RFTN1: variants seen among roughly 807,000 people sequenced by gnomAD.
RFTN1 encodes the protein raftlin, lipid raft linker 1.
Under a neutral mutation model 46.5 loss-of-function variants are expected in RFTN1, and 26 were observed. The ratio of observed to expected loss-of-function variants is 0.56; its 90% CI spans 0.41 to 0.78. The LOEUF is 0.78. Ranked by LOEUF, RFTN1 falls within the 30% of genes least tolerant of loss-of-function variation. The probability of loss-of-function intolerance (pLI) is 0.00; values close to 1 mark genes in which losing one functional copy is unlikely to be tolerated. For synonymous variants in RFTN1, 261 were observed against 284.2 expected, an observed-to-expected ratio of 0.92 and a Z score of 0.82; for missense variants, 693 against 718.7, an observed-to-expected ratio of 0.96 and a Z score of 0.41.
At chr3:16,496,167 A>G (rs541203836) in intron 1 of RFTN1, among the ~76,000 whole-genome samples, 46 of 152,372 alleles carry the variant, frequency 3.0e-4, no homozygotes, top group Non-Finnish European at 5.7e-4. Flanking sequence ...TCCAAGAAAG[A>G]GAGGAAGCCC....
rs552341885 is a variant in RFTN1, at chr3:16,440,143, C to T, written c.146-6106G>A. Among the ~76,000 whole-genome samples the T allele has an allele frequency of 2.6e-5, 4 of 152,166 alleles. No individual in the cohort carries two copies. The highest frequency in any genetic ancestry group is 4.4e-5 in the Non-Finnish European group (3 of 68,038). ...AAATGCCAGCCTACTCAGAGTGGGC[C>T]GCTGCCGCGAGGGCTGATCACACTT... On this transcript the variant is annotated intron_variant, in intron 2 of 9. Coordinates refer to ENST00000334133, the MANE Select transcript of RFTN1 (RefSeq NM_015150.2). This position sits in a 1 kb window ranked among gnomAD's most constrained non-coding sequence, Gnocchi z 4.6.
chr3:16,345,817 T>TGTGTGTGCGC lies in RFTN1; in HGVS notation c.1146+12114_1146+12115insGCGCACACAC, dbSNP rs1160939614. On this transcript the variant is annotated intron_variant, in intron 7 of 9. Transcript: ENST00000334133. The surrounding 1 kb of genome is among the most constrained non-coding windows in gnomAD (Gnocchi z 5.2). ...GTGTGTGTGTGTGTGTGTGTGTGTG[T>TGTGTGTGCGC]GCGCGCGCGCGTGCGCGCACGCGCA... is the stretch of plus-strand genomic sequence containing the variant. Among the ~76,000 whole-genome samples the TGTGTGTGCGC allele has an allele frequency of 5.4e-5, 4 of 74,618 alleles. No individual in the cohort carries two copies. The highest frequency in any genetic ancestry group is 2.2e-4 in the African/African-American group (4 of 18,182). 49.0% of individuals were successfully genotyped at this position (74,618 alleles called of 152,430 possible).
chr3:16,401,936 T>C (rs761895632), intron 4 of RFTN1, among the ~76,000 whole-genome samples: 4 of 152,152 alleles, frequency 2.6e-5, no homozygotes, highest in Non-Finnish European at 4.4e-5. Flanking sequence ...TGGATGACCA[T>C]CCTTACCACC....
chr3:16,486,340 C>A (rs113200091), intron 2 of RFTN1, among the ~76,000 whole-genome samples: 1,793 of 152,234 alleles, frequency 0.012, 24 homozygotes, highest in Middle Eastern at 0.021. Flanking sequence ...TGCACCCCCT[C>A]CATCTTAAAA....
At chr3:16,438,003 C>T (rs908747219) in intron 2 of RFTN1, among the ~76,000 whole-genome samples, 20 of 151,930 alleles carry the variant, frequency 1.3e-4, no homozygotes, top group African/African-American at 3.9e-4. Flanking sequence ...GGCAACTGCA[C>T]GTTGTCAATC....
rs2076687279 is a variant in RFTN1, at chr3:16,500,032, C to T, written c.-8-6155G>A. ...TGAGATCTCTCAAAGATCAGCTAGC[C>T]CCTGCTCAACTGAGGCATCAGCCCA... On this transcript the variant is annotated intron_variant, in intron 1 of 9. Transcript: ENST00000334133. The surrounding 1 kb of genome is among the most constrained non-coding windows in gnomAD (Gnocchi z 5.9). Among the ~76,000 whole-genome samples, 1 of 152,118 alleles carries T rather than the reference C, an allele frequency of 6.6e-6. No homozygotes were observed. Among genetic ancestry groups the T allele is most frequent in the Non-Finnish European group, 1.5e-5 (1 of 68,014 alleles).
rs2075007286 is a variant in RFTN1 at position 16,413,107 on chromosome 3, CA to C, written c.333-3625del. Among the ~76,000 whole-genome samples the C allele has an allele frequency of 6.6e-6, 1 of 152,026 alleles. No individual in the cohort carries two copies. The highest frequency in any genetic ancestry group is 2.1e-4 in the South Asian group (1 of 4,816). ...ATTACAGAGCATAGAAAACTAATAC[CA>C]AAAAAAGAAAACAGAAAACTAACAC... is the stretch of plus-strand genomic sequence containing the variant. On this transcript the variant is annotated intron_variant, in intron 3 of 9. Coordinates refer to ENST00000334133, the MANE Select transcript of RFTN1 (RefSeq NM_015150.2). The surrounding 1 kb of genome is among the most constrained non-coding windows in gnomAD (Gnocchi z 4.7).
rs1693039793 is a variant in RFTN1, at chr3:16,446,748, A to G, written c.146-12711T>C. 6.6e-6 allele frequency among the ~76,000 whole-genome samples: 1 copy of G among 152,218 alleles called. No homozygotes were observed. The highest frequency in any genetic ancestry group is 6.5e-5 in the Admixed American group (1 of 15,280). On this transcript the variant is annotated intron_variant, in intron 2 of 9. Coordinates refer to ENST00000334133, the MANE Select transcript of RFTN1 (RefSeq NM_015150.2). The surrounding 1 kb of genome is among the most constrained non-coding windows in gnomAD (Gnocchi z 4.5). ...ATGGAAAACAAGAGATTTCCCAAAA[A>G]GTGCGGTACCCGAGGGTATGAGCAC...
In RFTN1 at chr3:16,418,339, CAT is replaced by C. The variant is rs748584214; in HGVS notation, c.333-8858_333-8857del. Reference sequence around the variant, plus strand: ...ATACACATTACTTTTAAATAATAAACATGTAATAAATCCCATTTTGGCTCATA... The same window carrying C: ...ATACACATTACTTTTAAATAATAAACGTAATAAATCCCATTTTGGCTCATA... On this transcript the variant is annotated intron_variant, in intron 3 of 9. Transcript: ENST00000334133. The surrounding 1 kb of genome is among the most constrained non-coding windows in gnomAD (Gnocchi z 5.0). 1.2e-4 allele frequency among the ~76,000 whole-genome samples: 19 copies of C among 152,218 alleles called. No homozygotes were observed. In the East Asian group the frequency reaches 1.4e-3, roughly 11 times the overall value.
intron 3 of RFTN1, among the ~76,000 whole-genome samples, chr3:16,417,744 C>G (rs1459145925): frequency 1.3e-5 from 2 of 152,192 alleles, no homozygotes; most frequent in African/African-American, 4.8e-5. Flanking sequence ...TTTCTGAAAC[C>G]AAAGCACATA....
chr3:16,471,172 T>C (rs2076188423), intron 2 of RFTN1, among the ~76,000 whole-genome samples: 1 of 152,194 alleles, frequency 6.6e-6, no homozygotes, highest in South Asian at 2.1e-4. Flanking sequence ...TATTGTTAAA[T>C]AAATCACAAA....
Position 16,485,853 on chromosome 3 carries a change from A to G in RFTN1, c.145+7872T>C, listed in dbSNP as rs192453021. ...GGCAGTTGGCGCTGAGCTCTCTTTC[A>G]TGTGCGGTGGATAAGCTTTGAGTGG... is the stretch of plus-strand genomic sequence containing the variant. On this transcript the variant is annotated intron_variant, in intron 2 of 9. Coordinates refer to ENST00000334133, the MANE Select transcript of RFTN1 (RefSeq NM_015150.2). 1.7e-3 allele frequency among the ~76,000 whole-genome samples: 254 copies of G among 152,338 alleles called. 2 individuals are homozygous for G. The highest frequency in any genetic ancestry group is 5.7e-3 in the African/African-American group (239 of 41,580).
intron 2 of RFTN1, among the ~76,000 whole-genome samples, chr3:16,436,066 A>T (rs4685339): frequency 0.76 from 115,457 of 150,938 alleles, 44,644 homozygotes; most frequent in African/African-American, 0.87. Flanking sequence ...ATACTCTGAC[A>T]ATTCTCAGTG....
At chr3:16,455,132 A>C (rs1035246773) in intron 2 of RFTN1, among the ~76,000 whole-genome samples, 1 of 152,206 alleles carries the variant, frequency 6.6e-6, no homozygotes, top group Non-Finnish European at 1.5e-5. Flanking sequence ...CTTGCTCACA[A>C]GAGTTGGACC....
chr3:16,328,887 C>T (rs944298891), intron 7 of RFTN1, among the ~76,000 whole-genome samples: 15 of 152,186 alleles, frequency 9.9e-5, no homozygotes, highest in East Asian at 5.8e-4. Flanking sequence ...TCCCATCATT[C>T]TCCATGAGAA....
chr3:16,491,620 A>G (rs1201838746), intron 2 of RFTN1, among the ~76,000 whole-genome samples: 1 of 152,204 alleles, frequency 6.6e-6, no homozygotes, highest in East Asian at 1.9e-4. Context: ...AGGTCGGGGA[A>G]ATCATTCAGA....
intron 8 of RFTN1, 30 bp downstream of exon 8, chr3:16,326,743 T>C: frequency 7.9e-6 from 12 of 1,528,102 alleles, no homozygotes; most frequent in South Asian, 1.1e-5. Flanking sequence ...AAGTGTTCAA[T>C]AGAATCCTAA....
At chr3:16,478,509 C>T (rs1204374731) in intron 2 of RFTN1, among the ~76,000 whole-genome samples, 1 of 152,184 alleles carries the variant, frequency 6.6e-6, no homozygotes, top group Non-Finnish European at 1.5e-5. Flanking sequence ...ACATAAACTG[C>T]CTGCATTATT....
rs1240480809 is a variant in RFTN1 at position 16,475,316 on chromosome 3, C to A, written c.145+18409G>T. Among the ~76,000 whole-genome samples the A allele has an allele frequency of 6.6e-6, 1 of 152,180 alleles. No homozygotes were observed. Among genetic ancestry groups the A allele is most frequent in the African/African-American group, 2.4e-5 (1 of 41,432 alleles). On this transcript the variant is annotated intron_variant, in intron 2 of 9. Coordinates refer to ENST00000334133, the MANE Select transcript of RFTN1 (RefSeq NM_015150.2). The surrounding 1 kb of genome is among the most constrained non-coding windows in gnomAD (Gnocchi z 4.2). ...TGGCAATACAAACAGACCAAGACAC[C>A]TAGTATGTTTAGAGTTTTGCTTACC...
Sources: allele counts gnomAD v4.1 joint callset (sites outside exome capture counted in the v4.1 genomes callset), GRCh38; gene constraint gnomAD v4.1.1; non-coding constraint Gnocchi (gnomAD v3.1); transcripts MANE v1.5; gene names NCBI Gene and HGNC (gene_info 2026-07-23, HGNC 2026-07-21).